RAB36: variants seen among roughly 807,000 people sequenced by gnomAD.
RAB36 encodes ras-related protein Rab-36.
Under a neutral mutation model 39.3 loss-of-function variants are expected in RAB36, and 33 were observed. The ratio of observed to expected loss-of-function variants is 0.84; its 90% CI spans 0.64 to 1.12. The LOEUF is 1.12. RAB36 is among the 50% of genes most tolerant of loss of function. The pLI, the probability that RAB36 is intolerant of heterozygous loss-of-function variation, is 0.00. For missense variants in RAB36, 308 were observed against 355.3 expected (o/e 0.87, Z 1.07); for synonymous variants, 133 against 140.2 (o/e 0.95, Z 0.36).
Position 23,164,543 on chromosome 22 carries a change from T to C in RAB36, c.*2979T>C, listed in dbSNP as rs2071988732. Among the ~76,000 whole-genome samples, 1 of 152,122 alleles carries C rather than the reference T, an allele frequency of 6.6e-6. No individual in the cohort carries two copies. The highest frequency in any genetic ancestry group is 2.4e-5 in the African/African-American group (1 of 41,420). On this transcript the variant is annotated 3_prime_UTR_variant, in exon 11 of 11. Transcript: ENST00000263116. Reference sequence around the variant, plus strand: ...TTCAGGGTGGTTTGCGCACCCTCACTTTGATGATTTAATGAAGACATTTCC... The same window carrying C: ...TTCAGGGTGGTTTGCGCACCCTCACCTTGATGATTTAATGAAGACATTTCC...
At chr22:23,147,164 A>G (rs1376997414) in intron 2 of RAB36, among the ~76,000 whole-genome samples, 1 of 152,122 alleles carries the variant, frequency 6.6e-6, no homozygotes, top group Non-Finnish European at 1.5e-5. Flanking sequence ...TCCTCTTGCC[A>G]TTCCGCCTCT....
In RAB36 at chr22:23,162,870, C is replaced by A; in HGVS notation, c.*1306C>A. ...AAGAACACTGGCATCTTTTTCTATTCATTCCCCCTTCAACATATTTTTTGT... is the reference window on the plus strand; with the variant it reads ...AAGAACACTGGCATCTTTTTCTATTAATTCCCCCTTCAACATATTTTTTGT... On this transcript the variant is annotated 3_prime_UTR_variant, in exon 11 of 11. Transcript: ENST00000263116. 2.5e-6 allele frequency: 1 copy of A among 397,372 alleles called. No homozygotes were observed. The highest frequency in any genetic ancestry group is 1.8e-5 in the South Asian group (1 of 56,354). 24.6% of individuals were successfully genotyped at this position (397,372 alleles called of 1,614,324 possible). A position where few individuals can be genotyped will look rare whatever the true frequency, so the allele number is the denominator to read the frequency against.
downstream of RAB36, among the ~76,000 whole-genome samples, chr22:23,166,715 G>C (rs138103310): frequency 9.8e-4 from 149 of 152,072 alleles, no homozygotes; most frequent in Middle Eastern, 3.4e-3. Flanking sequence ...AGCCTCACAC[G>C]ATGTTGTTAA....
At chr22:23,146,124 C>T (rs751132406) in intron 1 of RAB36, 2 of 604,502 alleles carry the variant, frequency 3.3e-6, no homozygotes, top group Non-Finnish European at 4.1e-6. Flanking sequence ...GGCCTGGTTC[C>T]CCCATACCAT....
chr22:23,162,867 A>G lies in RAB36; in HGVS notation c.*1303A>G, dbSNP rs2071887596. 1.0e-5 allele frequency: 4 copies of G among 393,946 alleles called. No individual in the cohort carries two copies. The highest frequency in any genetic ancestry group is 1.6e-4 in the East Asian group (2 of 12,636). The allele number at this position is 393,946 out of a possible 1,614,324, so 24.4% of individuals were successfully genotyped here. A position where few individuals can be genotyped will look rare whatever the true frequency, so the allele number is the denominator to read the frequency against. ...GGGAAGAACACTGGCATCTTTTTCT[A>G]TTCATTCCCCCTTCAACATATTTTT... is the stretch of plus-strand genomic sequence containing the variant. On this transcript the variant is annotated 3_prime_UTR_variant, in exon 11 of 11. Coordinates refer to ENST00000263116, the MANE Select transcript of RAB36 (RefSeq NM_004914.5).
At position 23,162,256 on chromosome 22, in the gene RAB36, C is replaced by T. The variant is rs572742775; in HGVS notation, c.*692C>T. On this transcript the variant is annotated 3_prime_UTR_variant, in exon 11 of 11. Coordinates refer to ENST00000263116, the MANE Select transcript of RAB36 (RefSeq NM_004914.5). Reference sequence around the variant, plus strand: ...CTCTGAGATCCCTAGGTCCTGCCCTCCTGGTCCGTGGGCCAGGATGTGCAG... The same window carrying T: ...CTCTGAGATCCCTAGGTCCTGCCCTTCTGGTCCGTGGGCCAGGATGTGCAG... 2.2e-4 allele frequency: 50 copies of T among 228,314 alleles called. No homozygotes were observed. Among genetic ancestry groups the T allele is most frequent in the Non-Finnish European group, 3.6e-4 (41 of 114,104 alleles). The allele number at this position is 228,314 out of a possible 1,614,324, so 14.1% of individuals were successfully genotyped here. A position where few individuals can be genotyped will look rare whatever the true frequency, so the allele number is the denominator to read the frequency against.
intron 2 of RAB36, among the ~76,000 whole-genome samples, chr22:23,148,207 G>A (rs896119518): frequency 2.0e-5 from 3 of 152,144 alleles, no homozygotes; most frequent in Non-Finnish European, 4.4e-5. Context: ...CACCTACAGA[G>A]AAAGGCTTTG....
At chr22:23,147,980 C>T (rs962167031) in intron 2 of RAB36, among the ~76,000 whole-genome samples, 4 of 152,046 alleles carry the variant, frequency 2.6e-5, no homozygotes, top group Non-Finnish European at 5.9e-5. Context: ...ATATTTCTGG[C>T]AGGATATATA....
At chr22:23,147,206 C>G (rs560943699) in intron 2 of RAB36, among the ~76,000 whole-genome samples, 10 of 152,290 alleles carry the variant, frequency 6.6e-5, no homozygotes, top group Admixed American at 4.6e-4. Flanking sequence ...TCTCTTGTGT[C>G]TGTATTAAAA....
chr22:23,147,434 A>T (rs1351582836), intron 2 of RAB36, among the ~76,000 whole-genome samples: 3 of 152,068 alleles, frequency 2.0e-5, no homozygotes, highest in Middle Eastern at 6.8e-3. Context: ...GGCTGAAGCA[A>T]TCCTTCTGCC....
At chr22:23,157,007 G>T (rs1310659255) in intron 6 of RAB36, among the ~76,000 whole-genome samples, 1 of 152,134 alleles carries the variant, frequency 6.6e-6, no homozygotes, top group Non-Finnish European at 1.5e-5. Flanking sequence ...CCCCTGTCCG[G>T]CCCTGGTCAC....
Position 23,165,140 on chromosome 22 carries a change from A to G in RAB36, c.*3576A>G, listed in dbSNP as rs2072014132. On this transcript the variant is annotated 3_prime_UTR_variant, in exon 11 of 11. Coordinates refer to ENST00000263116, the MANE Select transcript of RAB36 (RefSeq NM_004914.5). ...CCAGGACAGTGACCTCATCACCTCT[A>G]CTGTCTCCCCTAGCACCTCTGGGAG... Among the ~76,000 whole-genome samples the G allele has an allele frequency of 1.3e-5, 2 of 152,128 alleles. No individual in the cohort carries two copies. Among genetic ancestry groups the G allele is most frequent in the South Asian group, 4.1e-4 (2 of 4,826 alleles).
chr22:23,145,575 C>A (rs772422441), intron 1 of RAB36, 24 bp downstream of exon 1: 4 of 1,587,746 alleles, frequency 2.5e-6, no homozygotes, highest in Non-Finnish European at 2.6e-6. Context: ...CCCACTCTGT[C>A]CGACCCTCCC....
intron 4 of RAB36, 39 bp from the exon 5 acceptor site, chr22:23,152,994 G>A: frequency 1.4e-6 from 2 of 1,447,666 alleles, no homozygotes; most frequent in Non-Finnish European, 1.9e-6. Context: ...GCACATTTCT[G>A]TGAGTACACC....
In RAB36 at chr22:23,158,857, G is replaced by A. The variant is rs574157586; in HGVS notation, c.447-41G>A. ...GCCCTCTGCCCCCTGTTTGGGGTGG[G>A]AGGATGGGTGAATCTCTCAGCCTCT... On this transcript the variant is annotated intron_variant, in intron 7 of 10. Transcript: ENST00000263116. 3.6e-4 allele frequency: 574 copies of A among 1,576,952 alleles called. 9 individuals are homozygous for A. The South Asian group carries it at 6.1e-3, about 17-fold the overall frequency.
At position 23,158,046 on chromosome 22, in the gene RAB36, A is replaced by C; in HGVS notation, c.446+3A>C. Reference sequence around the variant, plus strand: ...GTGCAGACCCTGGAGCATACCAGGTAAGTCTGGGCTCTCTGGCCCCTGCAG... The same window carrying C: ...GTGCAGACCCTGGAGCATACCAGGTCAGTCTGGGCTCTCTGGCCCCTGCAG... On this transcript the variant is annotated splice_donor_region_variant and intron_variant, in intron 7 of 10. Transcript: ENST00000263116. 6.2e-7 allele frequency: 1 copy of C among 1,614,124 alleles called. No individual in the cohort carries two copies. The highest frequency in any genetic ancestry group is 8.5e-7 in the Non-Finnish European group (1 of 1,179,982).
Position 23,161,679 on chromosome 22 carries a change from GC to G in RAB36, c.*118del. On this transcript the variant is annotated 3_prime_UTR_variant, in exon 11 of 11. Coordinates refer to ENST00000263116, the MANE Select transcript of RAB36 (RefSeq NM_004914.5). The stretch of plus-strand genomic sequence containing the variant: ...GCAGCGTGTCGCCCTCAAGCTGTAG[GC>G]CCATGTTCCAGTCCCTCCACCCACC... The G allele has an allele frequency of 1.0e-6, 1 of 954,890 alleles. No homozygotes were observed. Among genetic ancestry groups the G allele is most frequent in the Non-Finnish European group, 1.5e-6 (1 of 645,480 alleles). The allele number at this position is 954,890 out of a possible 1,614,324, so 59.2% of individuals were successfully genotyped here.
At chr22:23,161,446 G>T in intron 10 of RAB36, 54 bp from the exon 11 acceptor site, 1 of 1,465,570 alleles carries the variant, frequency 6.8e-7, no homozygotes, top group Non-Finnish European at 9.5e-7. Context: ...CCCCTGCCCA[G>T]TGTCAGCTAC....
chr22:23,152,375 G>T (rs769670933), intron 3 of RAB36, 86 bp from the exon 4 acceptor site: 6 of 1,399,216 alleles, frequency 4.3e-6, no homozygotes, highest in Admixed American at 1.7e-5. Context: ...CTCACCAGCA[G>T]AGAGCTCAGG....
Sources: gnomAD v4.1 joint callset for allele counts (sites outside exome capture counted in the v4.1 genomes callset) on GRCh38, gnomAD v4.1.1 for gene constraint, MANE v1.5 for transcripts, NCBI Gene and HGNC (gene_info 2026-07-23, HGNC 2026-07-21) for gene names.